BTBD8: variants seen among roughly 807,000 people sequenced by gnomAD.
BTBD8 encodes the protein BTB domain containing 8.
In BTBD8, 110 loss-of-function variants were observed where a neutral mutation model predicts 162.9. That is an observed-to-expected ratio of 0.68 (90% CI 0.58 to 0.79). BTBD8 has a LOEUF of 0.79. Ranked by LOEUF, BTBD8 falls within the 30% of genes least tolerant of loss-of-function variation. BTBD8 has a pLI of 0.00. For synonymous variants in BTBD8, 667 were observed against 716.1 expected (o/e 0.93, Z 1.10); for missense variants, 1,905 against 2,085.4 (o/e 0.91, Z 1.68).
Position 92,182,050 on chromosome 1 carries a change from A to C in BTBD8, c.4367A>C (p.His1456Pro). 1 of 1,551,564 alleles carries C rather than the reference A, an allele frequency of 6.4e-7. No individual in the cohort carries two copies. Among genetic ancestry groups the C allele is most frequent in the African/African-American group, 1.4e-5 (1 of 73,162 alleles). The change falls in exon 17 of 18, where the codon CAT (histidine) becomes CCT (proline). Residue 1456 changes from histidine (H) to proline (P), a missense_variant. By Grantham distance (77) the His-to-Pro change is moderately conservative (BLOSUM62 -2). Transcript: ENST00000636805. ...EELGSDEGEV[H>P]TPFQASVDSF... is the part of the protein sequence containing the mutation. ...CTGGGATCAGATGAAGGAGAAGTCCATACTCCCTTTCAGGCTTCTGTAGAT... is the reference window on the plus strand; with the variant it reads ...CTGGGATCAGATGAAGGAGAAGTCCCTACTCCCTTTCAGGCTTCTGTAGAT...
chr1:92,161,365 T>C (rs1022429188), intron 9 of BTBD8, among the ~76,000 whole-genome samples: 1 of 152,208 alleles, frequency 6.6e-6, no homozygotes, highest in African/African-American at 2.4e-5. Flanking sequence ...AAGGGAGATA[T>C]GAAAGTGCTG....
chr1:92,137,823 A>G (rs548100), intron 5 of BTBD8, among the ~76,000 whole-genome samples: 4,768 of 152,246 alleles, frequency 0.031, 89 homozygotes, highest in African/African-American at 0.038. Flanking sequence ...TATGTTTCGT[A>G]TACACTGTCA....
In BTBD8 at chr1:92,080,611, C is replaced by T. The variant is rs1647977513; in HGVS notation, c.40C>T (p.Leu14Phe). 1 of 1,614,030 alleles carries T rather than the reference C, an allele frequency of 6.2e-7. No individual in the cohort carries two copies. The highest frequency in any genetic ancestry group is 2.2e-5 in the East Asian group (1 of 44,858). ...CGEGSAAPMV[L>F]LGSAGVCSKG... ...GGAAGGCAGTGCGGCCCCCATGGTA[C>T]TTCTGGGGTCCGCTGGAGTTTGCAG... The change falls in exon 1 of 18, where the codon CTT (leucine) becomes TTT (phenylalanine). Residue 14 changes from leucine (L) to phenylalanine (F), a missense_variant. By Grantham distance (22) the Leu-to-Phe change is conservative (BLOSUM62 0). Transcript: ENST00000636805.
At chr1:92,086,710 C>T (rs1486709355) in intron 1 of BTBD8, among the ~76,000 whole-genome samples, 1 of 152,092 alleles carries the variant, frequency 6.6e-6, no homozygotes, top group Non-Finnish European at 1.5e-5. Flanking sequence ...GCCAAGAGGG[C>T]TCCACCCTCA....
At chr1:92,147,974 C>G in intron 9 of BTBD8, 188 bp downstream of exon 9, 1 of 572,940 alleles carries the variant, frequency 1.7e-6, no homozygotes. Context: ...GCTCATCAGT[C>G]AGGGTTGAAA....
chr1:92,106,443 G>A (rs1314927515), intron 3 of BTBD8, among the ~76,000 whole-genome samples: 1 of 151,742 alleles, frequency 6.6e-6, no homozygotes, highest in Admixed American at 6.6e-5. Flanking sequence ...GGCAGATCAC[G>A]AGGTCAGGAG....
intron 2 of BTBD8, among the ~76,000 whole-genome samples, chr1:92,101,916 T>A (rs1186853186): frequency 6.6e-6 from 1 of 152,188 alleles, no homozygotes; most frequent in Non-Finnish European, 1.5e-5. Flanking sequence ...CAGGTTGCTC[T>A]TGAACTCCTG....
At chr1:92,080,806 C>A (rs145365258) in intron 1 of BTBD8, 86 bp downstream of exon 1, 9 of 1,523,458 alleles carry the variant, frequency 5.9e-6, no homozygotes, top group Non-Finnish European at 7.0e-6. Context: ...GGCTCTGCCT[C>A]CCCCTCCCTC....
chr1:92,180,191 A>G, intron 16 of BTBD8, 74 bp from the exon 17 acceptor site: 1 of 1,105,962 alleles, frequency 9.0e-7, no homozygotes, highest in Non-Finnish European at 1.3e-6. Flanking sequence ...GTAATTTTAA[A>G]ACAAATTACT....
chr1:92,138,808 G>A (rs1372072139), intron 5 of BTBD8, among the ~76,000 whole-genome samples: 5 of 152,192 alleles, frequency 3.3e-5, no homozygotes, highest in Non-Finnish European at 7.3e-5. Context: ...TAGAGTTTGA[G>A]ATATGGCACT....
chr1:92,140,984 C>A, intron 6 of BTBD8, 131 bp from the exon 7 acceptor site: 3 of 1,043,046 alleles, frequency 2.9e-6, no homozygotes, highest in Non-Finnish European at 3.8e-6. Context: ...TTATGTAAGG[C>A]AGAAAATTAG....
chr1:92,162,923 A>G (rs1328864350), intron 9 of BTBD8, among the ~76,000 whole-genome samples: 2 of 152,174 alleles, frequency 1.3e-5, no homozygotes, highest in Non-Finnish European at 2.9e-5. Context: ...ACTGGAAACA[A>G]TGTAAATGTC....
chr1:92,148,217 C>G (rs1279186335), intron 9 of BTBD8, among the ~76,000 whole-genome samples: 1 of 152,124 alleles, frequency 6.6e-6, no homozygotes, highest in Non-Finnish European at 1.5e-5. Context: ...GTGCTTTGTT[C>G]TCACTGAAAA....
In BTBD8 at chr1:92,180,882, G is replaced by C; in HGVS notation, c.3199G>C (p.Ala1067Pro). The C allele has an allele frequency of 6.4e-7, 1 of 1,551,652 alleles. No homozygotes were observed. Among genetic ancestry groups the C allele is most frequent in the Non-Finnish European group, 8.7e-7 (1 of 1,146,976 alleles). Residue 1067 changes from alanine (A) to proline (P), a missense_variant, in exon 17 of 18, where the codon GCA becomes CCA. Physicochemically the swap from Ala to Pro is conservative, Grantham distance 27. Around this residue, in one of 3 missense-constraint regions of BTBD8, gnomAD observed 1,374 missense variants for 1,442.7 expected, o/e 0.95. Transcript: ENST00000636805. ...TCACAAAGAAACAGATGATTGCGAT[G>C]CAGCTAACATATGTTGTCATTCTGT... ...PNHKETDDCD[A>P]ANICCHSVGS...
At chr1:92,177,602 A>G (rs1650759783) in intron 14 of BTBD8, 56 bp downstream of exon 14, 12 of 1,234,434 alleles carry the variant, frequency 9.7e-6, no homozygotes, top group Admixed American at 8.4e-5. Flanking sequence ...TTCCTTCAAA[A>G]AACAAAAACC....
intron 9 of BTBD8, among the ~76,000 whole-genome samples, chr1:92,154,766 CT>C (rs1378254301): frequency 2.0e-5 from 3 of 152,018 alleles, no homozygotes. Context: ...TGTATGGAGG[CT>C]TTTTAATTTG....
At chr1:92,146,653 A>C (rs1300117792) in intron 7 of BTBD8, among the ~76,000 whole-genome samples, 1 of 152,034 alleles carries the variant, frequency 6.6e-6, no homozygotes, top group Non-Finnish European at 1.5e-5. Context: ...TGACCTTTTT[A>C]CTGTCTCTGT....
At chr1:92,164,017 G>A (rs183835714) in intron 9 of BTBD8, among the ~76,000 whole-genome samples, 1 of 152,258 alleles carries the variant, frequency 6.6e-6, no homozygotes, top group Non-Finnish European at 1.5e-5. Flanking sequence ...CCCTACCAGA[G>A]CAGTGCCTGC....
chr1:92,145,227 A>G (rs2100633684), intron 7 of BTBD8, among the ~76,000 whole-genome samples: 1 of 152,292 alleles, frequency 6.6e-6, no homozygotes, highest in East Asian at 1.9e-4. Flanking sequence ...GACATCCCAA[A>G]GTGTTGGGAT....
Sources: allele counts gnomAD v4.1 joint callset (sites outside exome capture counted in the v4.1 genomes callset), GRCh38; gene constraint gnomAD v4.1.1; regional missense constraint gnomAD v4.1.1; transcripts MANE v1.5; gene names NCBI Gene and HGNC (gene_info 2026-07-23, HGNC 2026-07-21).